PPM1D: variants seen among roughly 807,000 people sequenced by gnomAD.
The protein encoded by PPM1D is protein phosphatase, Mg2+/Mn2+ dependent 1D.
PPM1D carries 52 observed loss-of-function variants against 58.3 expected under a neutral mutation model. The ratio of observed to expected loss-of-function variants is 0.89; its 90% CI spans 0.71 to 1.12. The LOEUF is 1.12. Among genes scored for constraint, PPM1D ranks in the 50% most tolerant of loss-of-function variants. The pLI is 0.00. For missense variants in PPM1D, 564 were observed against 777.2 expected (o/e 0.73, Z 3.26); for synonymous variants, 278 against 285.1 (o/e 0.98, Z 0.25).
intron 3 of PPM1D, among the ~76,000 whole-genome samples, chr17:60,637,989 G>T (rs1567972407): frequency 6.6e-6 from 1 of 152,130 alleles, no homozygotes; most frequent in Non-Finnish European, 1.5e-5. Context: ...GGAATGTGGA[G>T]GTCATTGGTG....
chr17:60,616,652 A>G (rs139561055), intron 1 of PPM1D, among the ~76,000 whole-genome samples: 2 of 152,188 alleles, frequency 1.3e-5, no homozygotes, highest in Non-Finnish European at 2.9e-5. Context: ...ACCAATTATT[A>G]AAAAGTACTA....
chr17:60,632,440 T>C (rs1459015270), intron 2 of PPM1D, among the ~76,000 whole-genome samples: 1 of 152,070 alleles, frequency 6.6e-6, no homozygotes, highest in Non-Finnish European at 1.5e-5. Context: ...GGCACATGCC[T>C]GTATTCTCAG....
At chr17:60,645,488 G>GTATATA (rs1439626621) in intron 3 of PPM1D, among the ~76,000 whole-genome samples, 2 of 144,130 alleles carry the variant, frequency 1.4e-5, no homozygotes, top group African/African-American at 5.3e-5. Context: ...GTGTGTGTGT[G>GTATATA]TGTGTATGTG....
intron 1 of PPM1D, among the ~76,000 whole-genome samples, chr17:60,605,124 G>T (rs904307078): frequency 6.6e-6 from 1 of 152,138 alleles, no homozygotes; most frequent in Non-Finnish European, 1.5e-5. Context: ...ATTCTTAAGT[G>T]AAACTAGCTT....
chr17:60,630,413 G>A (rs755621979), intron 2 of PPM1D, among the ~76,000 whole-genome samples: 9 of 152,098 alleles, frequency 5.9e-5, no homozygotes, highest in South Asian at 4.1e-4. Context: ...CAGATACTCC[G>A]CTATTTTGGA....
chr17:60,639,229 C>T (rs1347673244), intron 3 of PPM1D, among the ~76,000 whole-genome samples: 9 of 151,806 alleles, frequency 5.9e-5, no homozygotes, highest in Non-Finnish European at 1.2e-4. Flanking sequence ...GATTCTCCTG[C>T]CTCAGCTTCC....
At chr17:60,658,426 A>G (rs1005004003) in intron 5 of PPM1D, among the ~76,000 whole-genome samples, 3 of 151,988 alleles carry the variant, frequency 2.0e-5, no homozygotes, top group Admixed American at 1.3e-4. Flanking sequence ...AGTTGGGCAG[A>G]TAACCTGAGG....
intron 4 of PPM1D, among the ~76,000 whole-genome samples, chr17:60,649,471 C>T (rs2031305572): frequency 6.6e-6 from 1 of 151,504 alleles, no homozygotes; most frequent in Non-Finnish European, 1.5e-5. Context: ...GGTGGATCAC[C>T]CAAGGTCAGG....
chr17:60,653,312 TC>T (rs1411868872), intron 4 of PPM1D, among the ~76,000 whole-genome samples: 1 of 152,184 alleles, frequency 6.6e-6, no homozygotes, highest in Admixed American at 6.5e-5. Flanking sequence ...TTATTGTTGC[TC>T]TTGGCACCTT....
intron 2 of PPM1D, among the ~76,000 whole-genome samples, chr17:60,631,644 T>C (rs1177058403): frequency 6.6e-6 from 1 of 151,934 alleles, no homozygotes. Flanking sequence ...TGAGCAACTT[T>C]CTGGAATTTC....
intron 4 of PPM1D, among the ~76,000 whole-genome samples, chr17:60,649,211 CCCAGCT>C (rs1222022413): frequency 2.6e-5 from 4 of 152,184 alleles, no homozygotes; most frequent in Admixed American, 2.6e-4. Context: ...TGGTGCCATG[CCCAGCT>C]CCTAATCTCA....
At chr17:60,660,500 A>T (rs972900913) in intron 5 of PPM1D, among the ~76,000 whole-genome samples, 6 of 151,788 alleles carry the variant, frequency 4.0e-5, no homozygotes, top group African/African-American at 9.7e-5. Flanking sequence ...TTAGATCGAG[A>T]TCATTTTAGA....
At chr17:60,640,487 C>T (rs1423301221) in intron 3 of PPM1D, among the ~76,000 whole-genome samples, 1 of 152,164 alleles carries the variant, frequency 6.6e-6, no homozygotes, top group Non-Finnish European at 1.5e-5. Context: ...CACTGTTTTG[C>T]AACTGTCATC....
intron 3 of PPM1D, among the ~76,000 whole-genome samples, chr17:60,645,562 GTATA>G (rs1293780298): frequency 2.3e-5 from 3 of 132,638 alleles, no homozygotes; most frequent in African/African-American, 3.1e-5. Flanking sequence ...ATATGTGTGT[GTATA>G]TATATGTATA....
intron 1 of PPM1D, among the ~76,000 whole-genome samples, chr17:60,614,908 A>G (rs1233308829): frequency 1.3e-5 from 2 of 152,222 alleles, no homozygotes; most frequent in East Asian, 1.9e-4. Flanking sequence ...TAAGAACTGT[A>G]ACACTCGTGG....
chr17:60,629,813 G>A (rs920265586), intron 2 of PPM1D, among the ~76,000 whole-genome samples: 44 of 152,094 alleles, frequency 2.9e-4, no homozygotes, highest in African/African-American at 8.9e-4. Context: ...TGAGGCGGGC[G>A]GATCACCGGA....
At chr17:60,610,176 CAA>C (rs57245998) in intron 1 of PPM1D, among the ~76,000 whole-genome samples, 35 of 69,818 alleles carry the variant, frequency 5.0e-4, no homozygotes, top group African/African-American at 6.0e-4. Flanking sequence ...GAGACTGTCT[CAA>C]AAAAAAAAAA....
intron 4 of PPM1D, among the ~76,000 whole-genome samples, chr17:60,653,994 G>A (rs1279056613): frequency 1.3e-5 from 2 of 151,946 alleles, no homozygotes; most frequent in African/African-American, 2.4e-5. Context: ...TGACTTATTC[G>A]TTTCCAGTTT....
Position 60,638,787 on chromosome 17 carries a change from A to G in PPM1D, c.826+4810A>G, listed in dbSNP as rs1459724823. Reference sequence around the variant, plus strand: ...ATGCTCATATTTAGCACACACCCTTATGGTTTACGGCCATTTTTCTTATAG... The same window carrying G: ...ATGCTCATATTTAGCACACACCCTTGTGGTTTACGGCCATTTTTCTTATAG... On this transcript the variant is annotated intron_variant, in intron 3 of 5. Coordinates refer to ENST00000305921, the MANE Select transcript of PPM1D (RefSeq NM_003620.4). 3.3e-5 allele frequency among the ~76,000 whole-genome samples: 5 copies of G among 151,966 alleles called. No individual in the cohort carries two copies. In the East Asian group the frequency reaches 9.7e-4, roughly 29 times the overall value.
Sources: allele counts gnomAD v4.1 joint callset (sites outside exome capture counted in the v4.1 genomes callset), GRCh38; gene constraint gnomAD v4.1.1; transcripts MANE v1.5; gene names NCBI Gene and HGNC (gene_info 2026-07-23, HGNC 2026-07-21).